TMEM135: variants seen among roughly 807,000 people sequenced by gnomAD.
TMEM135 encodes peroxisomal membrane protein 52.
A neutral mutation model predicts 60.3 loss-of-function variants in TMEM135; 30 were observed. That is an observed-to-expected ratio of 0.50 (90% CI 0.37 to 0.68). The LOEUF is 0.68. Ranked by LOEUF, TMEM135 falls within the 30% of genes least tolerant of loss-of-function variation. The pLI is 0.00. For synonymous variants in TMEM135, 190 were observed against 186.7 expected, an observed-to-expected ratio of 1.02 and a Z score of -0.14; for missense variants, 468 against 548.8, an observed-to-expected ratio of 0.85 and a Z score of 1.47.
At position 87,324,426 on chromosome 11, in the gene TMEM135, T is replaced by C; in HGVS notation, c.*3093T>C. 2.2e-6 allele frequency: 1 copy of C among 453,920 alleles called. No individual in the cohort carries two copies. The highest frequency in any genetic ancestry group is 1.6e-5 in the South Asian group (1 of 64,460). 28.1% of individuals were successfully genotyped at this position (453,920 alleles called of 1,614,324 possible). On this transcript the variant is annotated 3_prime_UTR_variant, in exon 15 of 15. Coordinates refer to ENST00000305494, the MANE Select transcript of TMEM135 (RefSeq NM_022918.4). ...TTCCTTAAATTCTCCGTGTGATTTA[T>C]TTTTTTATTTTTTGAGTTGAGGTCT...
At chr11:87,040,480 T>A (rs1001684451) in intron 1 of TMEM135, among the ~76,000 whole-genome samples, 13 of 152,184 alleles carry the variant, frequency 8.5e-5, no homozygotes, top group African/African-American at 3.1e-4. Context: ...TTGACCAACA[T>A]GGTGAAACCC....
chr11:87,167,449 A>C (rs1034316113), intron 5 of TMEM135, among the ~76,000 whole-genome samples: 6 of 152,194 alleles, frequency 3.9e-5, no homozygotes, highest in African/African-American at 1.2e-4. Context: ...TGGGTTTGTC[A>C]TAAATAGCTC....
chr11:87,160,186 C>G (rs1034625272), intron 5 of TMEM135, among the ~76,000 whole-genome samples: 3 of 152,142 alleles, frequency 2.0e-5, no homozygotes, highest in East Asian at 1.9e-4. Flanking sequence ...CATGTGTTTC[C>G]TCCTCCCTGT....
chr11:87,259,862 C>T (rs1465654924), intron 6 of TMEM135, among the ~76,000 whole-genome samples: 2 of 152,164 alleles, frequency 1.3e-5, no homozygotes, highest in East Asian at 3.9e-4. Context: ...AAAAGTGGGT[C>T]TCTTCCCTTT....
chr11:87,215,429 A>G (rs1940479930), intron 5 of TMEM135, among the ~76,000 whole-genome samples: 2 of 152,178 alleles, frequency 1.3e-5, no homozygotes, highest in Non-Finnish European at 1.5e-5. Context: ...TCATGCAGCT[A>G]TAGTTGTTTG....
chr11:87,060,702 G>A (rs921917165), intron 1 of TMEM135, among the ~76,000 whole-genome samples: 1 of 151,536 alleles, frequency 6.6e-6, no homozygotes, highest in African/African-American at 2.4e-5. Context: ...GATTGCAGTG[G>A]CGTGATCTCG....
intron 3 of TMEM135, among the ~76,000 whole-genome samples, chr11:87,089,554 G>T (rs1480685711): frequency 6.7e-6 from 1 of 148,632 alleles, no homozygotes; most frequent in African/African-American, 2.5e-5. Flanking sequence ...AAAAGAAAAA[G>T]AAAAAGAAAA....
At chr11:87,138,386 C>T (rs1017671109) in intron 4 of TMEM135, among the ~76,000 whole-genome samples, 8 of 152,160 alleles carry the variant, frequency 5.3e-5, no homozygotes, top group African/African-American at 1.9e-4. Flanking sequence ...CCACTGCGCC[C>T]AGCTCCAAAT....
chr11:87,255,375 T>C (rs1248355116), intron 6 of TMEM135, among the ~76,000 whole-genome samples: 2 of 152,230 alleles, frequency 1.3e-5, no homozygotes, highest in African/African-American at 4.8e-5. Flanking sequence ...AAGATTAAAA[T>C]GAGTGATGAA....
At chr11:87,182,423 T>C (rs1360164359) in intron 5 of TMEM135, among the ~76,000 whole-genome samples, 2 of 152,084 alleles carry the variant, frequency 1.3e-5, no homozygotes, top group Admixed American at 6.5e-5. Flanking sequence ...TAGGATAAAA[T>C]GATTTAAATG....
chr11:87,079,906 A>G (rs1262837563), intron 3 of TMEM135, among the ~76,000 whole-genome samples: 1 of 129,880 alleles, frequency 7.7e-6, no homozygotes, highest in Non-Finnish European at 1.6e-5. Flanking sequence ...CAGTGGCGTG[A>G]TCTCGGCTCA....
rs1352634533 is a variant in TMEM135 at position 87,322,437 on chromosome 11, G to A, written c.*1104G>A. ...ATTTTTACTGTTAGAATAAAGAGGT[G>A]ACACCATAAAGTCCTGCTGATAATG... On this transcript the variant is annotated 3_prime_UTR_variant, in exon 15 of 15. Coordinates refer to ENST00000305494, the MANE Select transcript of TMEM135 (RefSeq NM_022918.4). 3 of 453,786 alleles carry A rather than the reference G, an allele frequency of 6.6e-6. No individual in the cohort carries two copies. In the Admixed American group the frequency reaches 7.1e-5, roughly 11 times the overall value. 28.1% of individuals were successfully genotyped at this position (453,786 alleles called of 1,614,324 possible). A position where few individuals can be genotyped will look rare whatever the true frequency, so the allele number is the denominator to read the frequency against.
chr11:87,272,871 G>A (rs981589048), intron 6 of TMEM135, among the ~76,000 whole-genome samples: 2 of 152,018 alleles, frequency 1.3e-5, no homozygotes, highest in Non-Finnish European at 2.9e-5. Context: ...TGTTATTTTG[G>A]TATGTAGAGC....
intron 5 of TMEM135, among the ~76,000 whole-genome samples, chr11:87,171,143 T>A (rs1440328928): frequency 1.3e-5 from 2 of 152,042 alleles, no homozygotes; most frequent in Non-Finnish European, 2.9e-5. Context: ...ACAGGTAACT[T>A]TAATTGCAGA....
chr11:87,075,357 T>C (rs1856849999), intron 3 of TMEM135, among the ~76,000 whole-genome samples: 1 of 152,034 alleles, frequency 6.6e-6, no homozygotes, highest in South Asian at 2.1e-4. Flanking sequence ...GATTTCACAG[T>C]GTTAACCAGG....
chr11:87,209,539 A>C (rs1328694178), intron 5 of TMEM135, among the ~76,000 whole-genome samples: 1 of 152,190 alleles, frequency 6.6e-6, no homozygotes, highest in Non-Finnish European at 1.5e-5. Flanking sequence ...GAGTACCCAG[A>C]TTCATAAAAC....
chr11:87,265,331 C>T (rs1941726934), intron 6 of TMEM135, among the ~76,000 whole-genome samples: 1 of 151,934 alleles, frequency 6.6e-6, no homozygotes, highest in Admixed American at 6.6e-5. Flanking sequence ...GATATGGAAG[C>T]AAGTACTGAG....
intron 9 of TMEM135, among the ~76,000 whole-genome samples, chr11:87,306,254 T>C (rs183822677): frequency 1.7e-4 from 26 of 152,278 alleles, no homozygotes; most frequent in African/African-American, 6.3e-4. Flanking sequence ...TTAAAACTTA[T>C]GATATAGAAG....
rs772944429 is a variant in TMEM135 at position 87,326,532 on chromosome 11, G to A, written c.*5199G>A. On this transcript the variant is annotated 3_prime_UTR_variant, in exon 15 of 15. Coordinates refer to ENST00000305494, the MANE Select transcript of TMEM135 (RefSeq NM_022918.4). Reference sequence around the variant, plus strand: ...AAAGCATGAAGTACATTCTGTGGTTGGTCATTATGGGATTGGATGCCAAAA... The same window carrying A: ...AAAGCATGAAGTACATTCTGTGGTTAGTCATTATGGGATTGGATGCCAAAA... 1 of 454,052 alleles carries A rather than the reference G, an allele frequency of 2.2e-6. No homozygotes were observed. Among genetic ancestry groups the A allele is most frequent in the South Asian group, 1.6e-5 (1 of 64,474 alleles). 28.1% of individuals were successfully genotyped at this position (454,052 alleles called of 1,614,324 possible).
Sources: allele counts gnomAD v4.1 joint callset (sites outside exome capture counted in the v4.1 genomes callset), GRCh38; gene constraint gnomAD v4.1.1; transcripts MANE v1.5; gene names NCBI Gene and HGNC (gene_info 2026-07-23, HGNC 2026-07-21).